CKMT2: variants seen among roughly 807,000 people sequenced by gnomAD.
The protein encoded by CKMT2 is creatine kinase S-type, mitochondrial.
A neutral mutation model predicts 48.9 loss-of-function variants in CKMT2; 43 were observed. The ratio of observed to expected loss-of-function variants is 0.88; its 90% CI spans 0.69 to 1.13. The LOEUF is 1.13. CKMT2 is among the 50% of genes most tolerant of loss of function. The pLI is 0.00. For missense variants in CKMT2, 472 were observed against 555.4 expected, an observed-to-expected ratio of 0.85 and a Z score of 1.51; for synonymous variants, 206 against 213.0, an observed-to-expected ratio of 0.97 and a Z score of 0.29.
At chr5:81,261,636 C>T (rs1050494882) in intron 8 of CKMT2, among the ~76,000 whole-genome samples, 4 of 152,104 alleles carry the variant, frequency 2.6e-5, no homozygotes, top group Non-Finnish European at 5.9e-5. Context: ...ATACAACTTA[C>T]GAGGGATGTG....
intron 3 of CKMT2, among the ~76,000 whole-genome samples, 163 bp downstream of exon 3, chr5:81,253,056 T>C (rs1756878005): frequency 6.6e-6 from 1 of 152,220 alleles, no homozygotes; most frequent in Admixed American, 6.5e-5. Context: ...TCTGGAATGC[T>C]TTCTGAAACA....
rs1416056932 is a variant in CKMT2, at chr5:81,255,064, G to A, written c.519G>A (p.Gly173=). 1.2e-6 allele frequency: 2 copies of A among 1,614,030 alleles called. No homozygotes were observed. Among genetic ancestry groups the A allele is most frequent in the East Asian group, 2.2e-5 (1 of 44,862 alleles). Residue 173 remains glycine (G), a synonymous_variant, in exon 5 of 10, where the codon GGG becomes GGA. Transcript: ENST00000254035. The part of the protein sequence containing the change: ...SRVRTGRSIR[G]LSLPPACTRA... ...TGCGCACTGGCCGCAGCATCCGTGG[G>A]CTGAGCCTGCCTCCAGCCTGCACCC...
At chr5:81,248,602 ATGT>A (rs1176748219) in intron 1 of CKMT2, among the ~76,000 whole-genome samples, 1 of 152,226 alleles carries the variant, frequency 6.6e-6, no homozygotes. Context: ...ATGAGAATGA[ATGT>A]TGGTCTTTAC....
chr5:81,257,690 C>T (rs1561285576), intron 6 of CKMT2, 43 bp from the exon 7 acceptor site: 1 of 1,567,948 alleles, frequency 6.4e-7, no homozygotes, highest in Non-Finnish European at 8.7e-7. Context: ...TGTGTTGAAA[C>T]AAATGCAATT....
intron 1 of CKMT2, among the ~76,000 whole-genome samples, chr5:81,246,503 C>T (rs1048512355): frequency 2.6e-5 from 4 of 152,144 alleles, no homozygotes; most frequent in East Asian, 3.9e-4. Flanking sequence ...TCCCCACCTA[C>T]GATGATTTTG....
At chr5:81,237,397 A>C (rs1049560786) in intron 1 of CKMT2, among the ~76,000 whole-genome samples, 1 of 152,018 alleles carries the variant, frequency 6.6e-6, no homozygotes, top group African/African-American at 2.4e-5. Context: ...GGAGCTGCTG[A>C]GGCTCGGGTG....
chr5:81,233,323 C>CAT lies in CKMT2; in HGVS notation c.-73_-72dup. On this transcript the variant is annotated 5_prime_UTR_variant, in exon 1 of 10. Coordinates refer to ENST00000254035, the MANE Select transcript of CKMT2 (RefSeq NM_001099735.2). Reference sequence around the variant, plus strand: ...AGGCCGGCCCGACCAGCTCGCCCTGCATACACTTCTTGGCTGTGTGCGCTC... The same window carrying CAT: ...AGGCCGGCCCGACCAGCTCGCCCTGCATATACACTTCTTGGCTGTGTGCGCTC... The CAT allele has an allele frequency of 1.0e-6, 1 of 985,860 alleles. No homozygotes were observed. The highest frequency in any genetic ancestry group is 1.2e-6 in the Non-Finnish European group (1 of 830,264). 61.1% of individuals were successfully genotyped at this position (985,860 alleles called of 1,614,324 possible). A position where few individuals can be genotyped will look rare whatever the true frequency, so the allele number is the denominator to read the frequency against.
chr5:81,250,680 T>C (rs3756636), intron 1 of CKMT2: 56,919 of 152,236 alleles, frequency 0.37, 10,970 homozygotes, highest in Admixed American at 0.47. Context: ...AGTGGGAGGG[T>C]GGTCCTCAGA....
intron 5 of CKMT2, among the ~76,000 whole-genome samples, chr5:81,255,705 G>A (rs889346522): frequency 3.9e-5 from 6 of 151,926 alleles, no homozygotes; most frequent in African/African-American, 1.5e-4. Flanking sequence ...CTTCCACCAT[G>A]TCTACCACGG....
intron 1 of CKMT2, among the ~76,000 whole-genome samples, chr5:81,236,745 A>G (rs1237099133): frequency 1.3e-5 from 2 of 152,210 alleles, no homozygotes; most frequent in Non-Finnish European, 2.9e-5. Context: ...GGGGAGCCCA[A>G]TTGGTTAAAT....
chr5:81,248,919 T>G (rs1756703767), intron 1 of CKMT2, among the ~76,000 whole-genome samples: 1 of 152,208 alleles, frequency 6.6e-6, no homozygotes, highest in African/African-American at 2.4e-5. Context: ...TGTTTATTCT[T>G]CACTGGATGG....
chr5:81,238,018 T>C (rs533842664), intron 1 of CKMT2: 1 of 152,246 alleles, frequency 6.6e-6, no homozygotes, highest in East Asian at 1.9e-4. Context: ...ATTTGTAAAA[T>C]ATGATAAAGT....
intron 9 of CKMT2, among the ~76,000 whole-genome samples, chr5:81,265,575 A>G (rs1757360478): frequency 6.6e-6 from 1 of 152,220 alleles, no homozygotes; most frequent in Non-Finnish European, 1.5e-5. Context: ...TTTGGAAACC[A>G]AAGTTCTATA....
chr5:81,234,193 G>A (rs1027346095), intron 1 of CKMT2, among the ~76,000 whole-genome samples: 3 of 152,204 alleles, frequency 2.0e-5, no homozygotes, highest in Middle Eastern at 3.4e-3. Context: ...CCGAATGTGA[G>A]GAAGAGTGAC....
intron 3 of CKMT2, 39 bp downstream of exon 3, chr5:81,252,932 G>A: frequency 1.2e-6 from 2 of 1,603,906 alleles, no homozygotes; most frequent in Non-Finnish European, 8.5e-7. Context: ...TGGGAGGGAT[G>A]CTCTGGATAT....
intron 3 of CKMT2, among the ~76,000 whole-genome samples, chr5:81,254,164 C>A (rs1187373351): frequency 2.0e-5 from 3 of 152,198 alleles, no homozygotes; most frequent in Admixed American, 6.5e-5. Context: ...ACCAGCCCCA[C>A]CCTATCTCAA....
In CKMT2 at chr5:81,256,899, C is replaced by T. The variant is rs184124311; in HGVS notation, c.670-16C>T. 62 of 1,595,972 alleles carry T rather than the reference C, an allele frequency of 3.9e-5. No homozygotes were observed. The highest frequency in any genetic ancestry group is 3.7e-4 in the Admixed American group (22 of 59,346). The stretch of plus-strand genomic sequence containing the variant: ...CATCAGTCTCTCCTCTCTGCTTTAT[C>T]CCTTTTGGCCTACAGGACCACTTTC... On this transcript the variant is annotated splice_polypyrimidine_tract_variant and intron_variant, in intron 5 of 9. Coordinates refer to ENST00000254035, the MANE Select transcript of CKMT2 (RefSeq NM_001099735.2).
At chr5:81,252,064 G>T (rs13159978) in intron 2 of CKMT2, 1 of 155,228 alleles carries the variant, frequency 6.4e-6, no homozygotes, top group African/African-American at 2.4e-5. Context: ...TTTAAGTATC[G>T]GCTCTAAAGG....
chr5:81,264,125 T>C (rs1757319898), intron 9 of CKMT2, among the ~76,000 whole-genome samples: 1 of 152,254 alleles, frequency 6.6e-6, no homozygotes, highest in Non-Finnish European at 1.5e-5. Flanking sequence ...TGTTATGTGC[T>C]AGGTTTAGAT....
Sources: allele counts gnomAD v4.1 joint callset (sites outside exome capture counted in the v4.1 genomes callset), GRCh38; gene constraint gnomAD v4.1.1; transcripts MANE v1.5; gene names NCBI Gene and HGNC (gene_info 2026-07-23, HGNC 2026-07-21).